FBN2: variants seen among roughly 807,000 people sequenced by gnomAD.
FBN2 encodes the protein fibrillin-2.
FBN2 carries 105 observed loss-of-function variants against 355.6 expected under a neutral mutation model. That is an observed-to-expected ratio of 0.30 (90% CI 0.25 to 0.35). The LOEUF is 0.35. Among genes scored for constraint, FBN2 ranks in the 10% least tolerant of loss-of-function variants. The pLI is 1.00. For missense variants in FBN2, 3,280 were observed against 3,758.7 expected (o/e 0.87, Z 3.33); for synonymous variants, 1,350 against 1,301.2 (o/e 1.04, Z -0.81).
At chr5:128,468,132 C>T (rs181532858) in intron 5 of FBN2, among the ~76,000 whole-genome samples, 1 of 152,286 alleles carries the variant, frequency 6.6e-6, no homozygotes, top group Non-Finnish European at 1.5e-5. Context: ...AACCACTAAT[C>T]TAGTTTCTGT....
At position 128,288,537 on chromosome 5, in the gene FBN2, C is replaced by T. The variant is rs863223582; in HGVS notation, c.6658G>A (p.Gly2220Ser). 15 of 1,613,678 alleles carry T rather than the reference C, an allele frequency of 9.3e-6. No individual in the cohort carries two copies. Among genetic ancestry groups the T allele is most frequent in the East Asian group, 4.5e-5 (2 of 44,880 alleles). ...CATGTACCATTTCCACACGGATTGC[C>T]GATTGAACACTCATCAGTATCTGAA... ...RCVDTDECSIGNPCGNGTCTN... is the reference protein window; with the variant it reads ...RCVDTDECSISNPCGNGTCTN... The change falls in exon 53 of 65, where the codon GGC (glycine) becomes AGC (serine). Residue 2220 changes from glycine (G) to serine (S), a missense_variant. Around this residue, in one of 6 missense-constraint regions of FBN2, gnomAD observed 2,284 missense variants for 2,749.5 expected, o/e 0.83. Coordinates refer to ENST00000262464, the MANE Select transcript of FBN2 (RefSeq NM_001999.4).
chr5:128,537,838 C>T lies in FBN2; in HGVS notation c.-235G>A, dbSNP rs1487107361. 2 of 589,380 alleles carry T rather than the reference C, an allele frequency of 3.4e-6. No homozygotes were observed. The highest frequency in any genetic ancestry group is 6.0e-5 in the Admixed American group (2 of 33,468). 36.5% of individuals were successfully genotyped at this position (589,380 alleles called of 1,614,324 possible). ...TAGCGCAGTGAGCGGCGAGGCGCGG[C>T]GGAGGTGCAGCCGGCAGCCCCGAGC... On this transcript the variant is annotated 5_prime_UTR_variant, in exon 1 of 65. Transcript: ENST00000262464.
intron 5 of FBN2, among the ~76,000 whole-genome samples, chr5:128,479,369 A>G (rs1356706473): frequency 1.1e-4 from 17 of 152,182 alleles, no homozygotes; most frequent in Admixed American, 1.1e-3. Context: ...GGAAATAGTG[A>G]CACGTGTGTA....
chr5:128,511,338 C>A (rs1019927006), intron 5 of FBN2, among the ~76,000 whole-genome samples: 5 of 152,178 alleles, frequency 3.3e-5, no homozygotes, highest in Admixed American at 6.6e-5. Context: ...TTGACTCCAG[C>A]ATTTCAGACT....
intron 34 of FBN2, among the ~76,000 whole-genome samples, chr5:128,327,625 G>A (rs1368572989): frequency 1.3e-5 from 2 of 148,950 alleles, no homozygotes; most frequent in East Asian, 3.9e-4. Flanking sequence ...TCTTTTGTTG[G>A]TTTGTTTGTT....
intron 63 of FBN2, among the ~76,000 whole-genome samples, chr5:128,262,316 C>T (rs1301325291): frequency 6.6e-6 from 1 of 152,176 alleles, no homozygotes; most frequent in Non-Finnish European, 1.5e-5. Flanking sequence ...ACCTCGGACT[C>T]CCAAAGTACT....
rs183758749 is a variant in FBN2, at chr5:128,526,340, C to T, written c.532+1532G>A. ...GCAGCTTCTGTGGAAAACAGTATGGCAGCATTTCAAAAAATTAATAATACA... is the reference window on the plus strand; with the variant it reads ...GCAGCTTCTGTGGAAAACAGTATGGTAGCATTTCAAAAAATTAATAATACA... On this transcript the variant is annotated intron_variant, in intron 4 of 64. Coordinates refer to ENST00000262464, the MANE Select transcript of FBN2 (RefSeq NM_001999.4). Among the ~76,000 whole-genome samples, 187 of 152,162 alleles carry T rather than the reference C, an allele frequency of 1.2e-3. 2 individuals are homozygous for T. The highest frequency in any genetic ancestry group is 4.3e-3 in the African/African-American group (179 of 41,530).
At chr5:128,434,872 A>G (rs952516106) in intron 7 of FBN2, among the ~76,000 whole-genome samples, 2 of 152,118 alleles carry the variant, frequency 1.3e-5, no homozygotes, top group African/African-American at 2.4e-5. Context: ...CCTTTCATTC[A>G]GGGTAGAATA....
rs115242287 is a variant in FBN2, at chr5:128,393,315, T to C, written c.1285A>G (p.Ser429Gly). The part of the protein sequence containing the change: ...DGLPMGGIPG[S>G]AGSRPGGTGG... ...GTGCCTCCAGGTCTGGAACCAGCAC[T>C]CCCTGGAATTCCTCCCATTGGAAGT... The change falls in exon 10 of 65, where the codon AGT becomes GGT. Residue 429 changes from serine (S) to glycine (G), a missense_variant. Around this residue, in one of 6 missense-constraint regions of FBN2, gnomAD observed 343 missense variants for 331.0 expected, o/e 1.04. Coordinates refer to ENST00000262464, the MANE Select transcript of FBN2 (RefSeq NM_001999.4). The C allele has an allele frequency of 8.8e-4, 1,416 of 1,614,158 alleles. 10 individuals are homozygous for C. In the African/African-American group the frequency reaches 0.017, roughly 19 times the overall value.
At chr5:128,319,145 A>C in intron 34 of FBN2, 144 bp from the exon 35 acceptor site, 1 of 656,254 alleles carries the variant, frequency 1.5e-6, no homozygotes, top group Non-Finnish European at 2.7e-6. Flanking sequence ...GGCTAGGTAG[A>C]TAAGTGTAAA....
rs370506719 is a variant in FBN2 at position 128,330,709 on chromosome 5, C to A, written c.4223-14G>T. 9 of 1,613,482 alleles carry A rather than the reference C, an allele frequency of 5.6e-6. No homozygotes were observed. The East Asian group carries it at 2.0e-4, about 36-fold the overall frequency. On this transcript the variant is annotated splice_polypyrimidine_tract_variant and intron_variant, in intron 32 of 64. Coordinates refer to ENST00000262464, the MANE Select transcript of FBN2 (RefSeq NM_001999.4). ...ATTCGTCCAGATCTGCAGAACACAG[C>A]AATAAAGTTCAGAAATGAAAATGGA...
chr5:128,374,805 C>G, intron 14 of FBN2, 55 bp from the exon 15 acceptor site: 1 of 1,605,184 alleles, frequency 6.2e-7, no homozygotes, highest in South Asian at 1.1e-5. Context: ...AACGTTATTA[C>G]AGGGTTTACT....
intron 28 of FBN2, 31 bp downstream of exon 28, chr5:128,335,957 T>C (rs774660499): frequency 2.5e-6 from 4 of 1,612,502 alleles, no homozygotes; most frequent in East Asian, 2.2e-5. Flanking sequence ...TTGAGACATA[T>C]GAGTTTCAGG....
At position 128,537,489 on chromosome 5, in the gene FBN2, G is replaced by T. The variant is rs763202121; in HGVS notation, c.115C>A (p.Arg39=). ...QPQPPPPKPP[R]PQPPPQQVRS... is the part of the protein sequence containing the mutation. ...ACCTGTTGCGGCGGCGGCTGGGGCC[G>T]GGGCGGCTTGGGCGGAGGAGGCTGA... The change falls in exon 1 of 65, where the codon CGG becomes AGG. Residue 39 remains arginine (R), a synonymous_variant. Transcript: ENST00000262464. 2.5e-6 allele frequency: 4 copies of T among 1,587,900 alleles called. No individual in the cohort carries two copies. Among genetic ancestry groups the T allele is most frequent in the Non-Finnish European group, 3.4e-6 (4 of 1,169,700 alleles).
chr5:128,384,621 C>CT (rs1752319156), intron 11 of FBN2, among the ~76,000 whole-genome samples: 1 of 151,984 alleles, frequency 6.6e-6, no homozygotes, highest in African/African-American at 2.4e-5. Flanking sequence ...TACAGCATAT[C>CT]TTTAAGAGCT....
At chr5:128,277,325 T>A (rs1765419338) in intron 58 of FBN2, among the ~76,000 whole-genome samples, 1 of 152,030 alleles carries the variant, frequency 6.6e-6, no homozygotes, top group Admixed American at 6.6e-5. Context: ...ATAAGAAAAA[T>A]AAATTGTAAA....
chr5:128,489,714 G>A (rs1000413903), intron 5 of FBN2, among the ~76,000 whole-genome samples: 4 of 151,614 alleles, frequency 2.6e-5, no homozygotes, highest in Non-Finnish European at 4.4e-5. Context: ...AGTGAAGTAG[G>A]TGTAATTATT....
At chr5:128,478,140 T>C (rs1755054359) in intron 5 of FBN2, among the ~76,000 whole-genome samples, 1 of 152,236 alleles carries the variant, frequency 6.6e-6, no homozygotes, top group African/African-American at 2.4e-5. Context: ...ATTTAGCTTC[T>C]CTTCTCTGAG....
intron 5 of FBN2, among the ~76,000 whole-genome samples, chr5:128,492,561 G>C (rs1193889543): frequency 6.6e-6 from 1 of 152,128 alleles, no homozygotes; most frequent in Non-Finnish European, 1.5e-5. Context: ...CCAGCACTTT[G>C]GGAGGCTGAG....
Sources: allele counts gnomAD v4.1 joint callset (sites outside exome capture counted in the v4.1 genomes callset), GRCh38; gene constraint gnomAD v4.1.1; regional missense constraint gnomAD v4.1.1; transcripts MANE v1.5; gene names NCBI Gene and HGNC (gene_info 2026-07-23, HGNC 2026-07-21).